The following MMRN1 variants were observed in gnomAD, a reference collection of about 807,000 sequenced individuals.
The protein encoded by MMRN1 is multimerin-1.
Under a neutral mutation model 100.7 loss-of-function variants are expected in MMRN1, and 94 were observed. The observed-to-expected ratio is 0.93, with a 90% CI of 0.79 to 1.11. The LOEUF (loss-of-function observed/expected upper bound fraction) is 1.11. Among genes scored for constraint, MMRN1 ranks in the 50% least tolerant of loss-of-function variants. The probability of loss-of-function intolerance (pLI) is 0.00; values close to 1 mark genes in which losing one functional copy is unlikely to be tolerated. For missense variants in MMRN1, 1,606 were observed against 1,439.1 expected (o/e 1.12, Z -1.88); for synonymous variants, 575 against 505.0 (o/e 1.14, Z -1.86).
At chr4:89,886,239 A>AATTTGAT (rs1720934983) in intron 1 of MMRN1, among the ~76,000 whole-genome samples, 1 of 151,932 alleles carries the variant, frequency 6.6e-6, no homozygotes, top group Non-Finnish European at 1.5e-5. Flanking sequence ...AATTGCACAA[A>AATTTGAT]ATTTGATATG....
intron 1 of MMRN1, among the ~76,000 whole-genome samples, chr4:89,904,490 C>G (rs1377062989): frequency 6.6e-6 from 1 of 151,742 alleles, no homozygotes; most frequent in Non-Finnish European, 1.5e-5. Flanking sequence ...TTTTCTGTCT[C>G]TATGAATTTA....
intron 3 of MMRN1, among the ~76,000 whole-genome samples, chr4:89,916,119 C>T (rs993110464): frequency 2.6e-5 from 4 of 151,484 alleles, no homozygotes; most frequent in South Asian, 2.1e-4. Context: ...GGTTAAATCC[C>T]GTGTAATAAA....
At chr4:89,901,972 T>C (rs1035464234) in intron 1 of MMRN1, 6 of 152,014 alleles carry the variant, frequency 3.9e-5, no homozygotes, top group Non-Finnish European at 4.4e-5. Flanking sequence ...CATAGAATTC[T>C]GCATCACGGC....
intron 1 of MMRN1, among the ~76,000 whole-genome samples, chr4:89,881,879 T>G (rs898748371): frequency 1.3e-5 from 2 of 152,016 alleles, no homozygotes; most frequent in African/African-American, 4.8e-5. Context: ...TTATTGAAAA[T>G]ATTTCAGATG....
intron 1 of MMRN1, among the ~76,000 whole-genome samples, chr4:89,898,855 G>A (rs904153526): frequency 1.3e-5 from 2 of 151,912 alleles, no homozygotes; most frequent in Non-Finnish European, 2.9e-5. Context: ...CTGCACTTAC[G>A]ACACTACATA....
chr4:89,921,764 T>C (rs937423106), intron 3 of MMRN1, among the ~76,000 whole-genome samples: 3 of 152,146 alleles, frequency 2.0e-5, no homozygotes, highest in Non-Finnish European at 4.4e-5. Context: ...TTAATTTAGC[T>C]CAATGCCCTG....
intron 6 of MMRN1, among the ~76,000 whole-genome samples, chr4:89,949,410 C>T (rs1351022249): frequency 1.3e-5 from 2 of 152,158 alleles, no homozygotes; most frequent in South Asian, 4.1e-4. Context: ...GTGAGTTGAT[C>T]ACTGTGCTAA....
At chr4:89,887,476 G>A (rs1578458630) in intron 1 of MMRN1, among the ~76,000 whole-genome samples, 1 of 151,944 alleles carries the variant, frequency 6.6e-6, no homozygotes, top group East Asian at 1.9e-4. Flanking sequence ...ACAAAATAGA[G>A]AACCCAGAAA....
chr4:89,919,698 TG>T (rs1722029391), intron 3 of MMRN1, among the ~76,000 whole-genome samples: 1 of 152,064 alleles, frequency 6.6e-6, no homozygotes, highest in Non-Finnish European at 1.5e-5. Context: ...ATACAATTTT[TG>T]TTTTATTCTC....
chr4:89,947,755 C>T (rs1723032989), intron 6 of MMRN1, among the ~76,000 whole-genome samples: 1 of 152,102 alleles, frequency 6.6e-6, no homozygotes, highest in South Asian at 2.1e-4. Context: ...CTATTAAGCA[C>T]AAATATGAGC....
chr4:89,890,344 G>C (rs1324518396), upstream of MMRN1, among the ~76,000 whole-genome samples: 1 of 151,108 alleles, frequency 6.6e-6, no homozygotes, highest in Admixed American at 6.6e-5. Flanking sequence ...CCTAAAGAGA[G>C]CTTTTATTGG....
intron 4 of MMRN1, among the ~76,000 whole-genome samples, chr4:89,924,740 A>T (rs1722194014): frequency 6.6e-6 from 1 of 152,070 alleles, no homozygotes; most frequent in Non-Finnish European, 1.5e-5. Context: ...GCTACTTGGG[A>T]GGCTGAGGCA....
At chr4:89,882,846 C>T (rs899444890) in intron 1 of MMRN1, among the ~76,000 whole-genome samples, 4 of 151,940 alleles carry the variant, frequency 2.6e-5, no homozygotes, top group Admixed American at 2.6e-4. Context: ...TCAGAATCTA[C>T]AACCGAAAGC....
In MMRN1 at chr4:89,936,910, GGATA is replaced by G. The variant is rs576611011; in HGVS notation, c.3118+118_3118+121del. 1.1e-3 allele frequency: 1,037 copies of G among 937,238 alleles called. 10 individuals are homozygous for G. The African/African-American group carries it at 0.015, about 14-fold the overall frequency. 58.1% of individuals were successfully genotyped at this position (937,238 alleles called of 1,614,324 possible). The stretch of plus-strand genomic sequence containing the variant: ...AACATAAAACTACATACTTGAACTT[GGATA>G]GATAGTCAAGTTGTGAAGATCACTG... On this transcript the variant is annotated intron_variant, in intron 6 of 7. Coordinates refer to ENST00000264790, the MANE Select transcript of MMRN1 (RefSeq NM_007351.3).
chr4:89,904,744 G>A (rs918797293), intron 1 of MMRN1, among the ~76,000 whole-genome samples: 3 of 151,554 alleles, frequency 2.0e-5, no homozygotes, highest in South Asian at 2.1e-4. Flanking sequence ...TTTTAATGAC[G>A]TTCTCAAATT....
rs550734877 is a variant in MMRN1 at position 89,907,598 on chromosome 4, A to C, written c.624-1678A>C. On this transcript the variant is annotated intron_variant, in intron 1 of 7. Coordinates refer to ENST00000264790, the MANE Select transcript of MMRN1 (RefSeq NM_007351.3). ...TTCTGCCCAATCTTAGGACCACTTCAGTTTTGCTCATTTATGTTTTTGAAT... is the reference window on the plus strand; with the variant it reads ...TTCTGCCCAATCTTAGGACCACTTCCGTTTTGCTCATTTATGTTTTTGAAT... 4.0e-5 allele frequency among the ~76,000 whole-genome samples: 6 copies of C among 150,984 alleles called. No homozygotes were observed. In the East Asian group the frequency reaches 9.8e-4, roughly 25 times the overall value.
intron 4 of MMRN1, among the ~76,000 whole-genome samples, chr4:89,927,361 T>A (rs1249456887): frequency 1.3e-5 from 2 of 152,174 alleles, no homozygotes; most frequent in African/African-American, 4.8e-5. Context: ...CTTATGTATT[T>A]AACTTTGTGT....
At chr4:89,886,138 G>T (rs182571013) in intron 1 of MMRN1, among the ~76,000 whole-genome samples, 11 of 149,458 alleles carry the variant, frequency 7.4e-5, no homozygotes, top group Admixed American at 6.7e-4. Context: ...CAATCCGCCT[G>T]CCTCAGCCTC....
intron 5 of MMRN1, among the ~76,000 whole-genome samples, chr4:89,932,937 G>A (rs539227831): frequency 6.6e-6 from 1 of 151,798 alleles, no homozygotes; most frequent in African/African-American, 2.4e-5. Context: ...AGAAAATGAG[G>A]TTTTTTTTCT....
Sources: allele counts gnomAD v4.1 joint callset (sites outside exome capture counted in the v4.1 genomes callset), GRCh38; gene constraint gnomAD v4.1.1; transcripts MANE v1.5; gene names NCBI Gene and HGNC (gene_info 2026-07-23, HGNC 2026-07-21).